The following CTRB1 variants were observed in gnomAD, a reference collection of about 807,000 sequenced individuals.
The protein encoded by CTRB1 is chymotrypsinogen B1, also known as chymotrypsinogen B.
CTRB1 carries 15 observed loss-of-function variants against 20.4 expected under a neutral mutation model. That is an observed-to-expected ratio of 0.74 (90% CI 0.49 to 1.13). The LOEUF (loss-of-function observed/expected upper bound fraction) is 1.13, where lower values mean the gene tolerates loss of function less well. CTRB1 is among the 50% of genes most tolerant of loss of function. The pLI, the probability that CTRB1 is intolerant of heterozygous loss-of-function variation, is 0.00. For synonymous variants in CTRB1, 92 were observed against 128.4 expected (o/e 0.72, Z 1.92); for missense variants, 227 against 290.1 (o/e 0.78, Z 1.58).
In CTRB1 at chr16:75,224,164, G is replaced by C; in HGVS notation, c.606G>C (p.Gly202=). 1 of 1,490,864 alleles carries C rather than the reference G, an allele frequency of 6.7e-7. No individual in the cohort carries two copies. The highest frequency in any genetic ancestry group is 1.2e-5 in the South Asian group (1 of 80,642). The allele number at this position is 1,490,864 out of a possible 1,614,324, so 92.4% of individuals were successfully genotyped here. Residue 202 remains glycine (G), a synonymous_variant, in exon 6 of 7, where the codon GGG becomes GGC. Transcript: ENST00000361017. ...TCACCGACGTGATGATCTGTGCCGG[G>C]GCCAGTGGCGTCTCCTCCTGCATGG... The part of the protein sequence containing the change: ...RRITDVMICA[G]ASGVSSCMGD...
Position 75,222,753 on chromosome 16 carries a change from C to T in CTRB1, c.53-15C>T, listed in dbSNP as rs2076703588. 6.4e-7 allele frequency: 1 copy of T among 1,554,280 alleles called. No individual in the cohort carries two copies. The highest frequency in any genetic ancestry group is 1.4e-5 in the African/African-American group (1 of 73,374). On this transcript the variant is annotated splice_polypyrimidine_tract_variant and intron_variant, in intron 1 of 6. Transcript: ENST00000361017. ...GTTTGGGGCCTCAGCCCTTATTCAC[C>T]CCACTCCCCCCCAGGCTGCGGGGTC...
chr16:75,224,369 A>G (rs2076717197), intron 6 of CTRB1, among the ~76,000 whole-genome samples, 181 bp downstream of exon 6: 1 of 152,180 alleles, frequency 6.6e-6, no homozygotes, highest in Non-Finnish European at 1.5e-5. Context: ...GCAGTGCACA[A>G]TCTGGACCGT....
Position 75,223,504 on chromosome 16 carries a change from GA to G in CTRB1, c.374del (p.Lys125SerfsTer73), listed in dbSNP as rs1293393971. 2 of 747,830 alleles carry G rather than the reference GA, an allele frequency of 2.7e-6. No homozygotes were observed. The highest frequency in any genetic ancestry group is 4.2e-6 in the Non-Finnish European group (2 of 478,698). 46.3% of individuals were successfully genotyped at this position (747,830 alleles called of 1,614,324 possible). A position where few individuals can be genotyped will look rare whatever the true frequency, so the allele number is the denominator to read the frequency against. Reference protein sequence around the residue: ...LTVNNDITLLKLATPARFSQT... With the variant: ...LTVNNDITLLXLATPARFSQT... ...CCGTGAACAATGACATCACCCTGCT[GA>G]AGCTGGCCACACCTGCCCGCTTCTC... On this transcript the variant is annotated frameshift_variant, in exon 5 of 7. Coordinates refer to ENST00000361017, the MANE Select transcript of CTRB1 (RefSeq NM_001906.6). LOFTEE classifies it high-confidence loss of function.
intron 1 of CTRB1, among the ~76,000 whole-genome samples, chr16:75,219,714 A>G (rs894171226): frequency 2.0e-5 from 3 of 152,218 alleles, no homozygotes; most frequent in Admixed American, 1.3e-4. Context: ...GAGAAATAGT[A>G]AAAGAAAATA....
In CTRB1 at chr16:75,222,788, C is replaced by T. The variant is rs369201413; in HGVS notation, c.73C>T (p.His25Tyr). 3 of 1,555,640 alleles carry T rather than the reference C, an allele frequency of 1.9e-6. No homozygotes were observed. The highest frequency in any genetic ancestry group is 1.4e-5 in the African/African-American group (1 of 73,552). The change falls in exon 2 of 7, where the codon CAC (histidine) becomes TAC (tyrosine). Residue 25 changes from histidine to tyrosine, a missense_variant. By Grantham distance (83) the His-to-Tyr change is moderately conservative. Around this residue, in one of 4 missense-constraint regions of CTRB1, gnomAD observed 71 missense variants for 69.1 expected, o/e 1.03. Coordinates refer to ENST00000361017, the MANE Select transcript of CTRB1 (RefSeq NM_001906.6). ...CCCAGGCTGCGGGGTCCCCGCCATC[C>T]ACCCTGTGCTCAGCGGCCTGTCCAG... Reference protein sequence around the residue: ...AAFGCGVPAIHPVLSGLSRIV... With the variant: ...AAFGCGVPAIYPVLSGLSRIV...
At chr16:75,219,299 T>G (rs1453950936) in intron 1 of CTRB1, among the ~76,000 whole-genome samples, 2 of 152,060 alleles carry the variant, frequency 1.3e-5, no homozygotes, top group African/African-American at 2.4e-5. Context: ...GGGGGTGCCT[T>G]GTGCAGGGTA....
At chr16:75,220,073 T>C (rs1392614662) in intron 1 of CTRB1, among the ~76,000 whole-genome samples, 1 of 151,984 alleles carries the variant, frequency 6.6e-6, no homozygotes, top group Non-Finnish European at 1.5e-5. Context: ...AGCCTCAAAC[T>C]CAAGGGCTCG....
intron 1 of CTRB1, 129 bp downstream of exon 1, chr16:75,219,188 G>A: frequency 1.1e-6 from 1 of 920,566 alleles, no homozygotes; most frequent in Non-Finnish European, 1.6e-6. Flanking sequence ...CTCAGGAGAG[G>A]GTGCATTCTG....
At position 75,219,004 on chromosome 16, in the gene CTRB1, C is replaced by T. The variant is rs112981559; in HGVS notation, c.-4C>T. The T allele has an allele frequency of 1.3e-4, 199 of 1,584,026 alleles. No homozygotes were observed. The highest frequency in any genetic ancestry group is 2.4e-4 in the African/African-American group (18 of 74,646). ...GCAGGCCCCACACCTTCTGAGGCAG[C>T]GGCATGGCTTCCCTCTGGCTCCTCT... On this transcript the variant is annotated 5_prime_UTR_variant, in exon 1 of 7. Transcript: ENST00000361017.
chr16:75,220,844 C>G (rs534399759), intron 1 of CTRB1, among the ~76,000 whole-genome samples: 4 of 151,864 alleles, frequency 2.6e-5, no homozygotes, highest in South Asian at 2.1e-4. Flanking sequence ...CTGCAACCTC[C>G]ACCTCCCAGG....
rs1353436475 is a variant in CTRB1, at chr16:75,224,805, G to T, written c.731G>T (p.Gly244Val). Residue 244 changes from glycine (G) to valine (V), a missense_variant, in exon 7 of 7, where the codon GGC becomes GTC. By Grantham distance (109) the Gly-to-Val change is moderately radical (BLOSUM62 -3). Transcript: ENST00000361017. ...GSDTCSTSSPGVYARVTKLIP... is the reference protein window; with the variant it reads ...GSDTCSTSSPVVYARVTKLIP... ...GACACCTGCTCCACCTCCAGCCCTG[G>T]CGTGTACGCCCGTGTCACCAAGCTC... 1 of 1,614,036 alleles carries T rather than the reference G, an allele frequency of 6.2e-7. No individual in the cohort carries two copies. The highest frequency in any genetic ancestry group is 1.1e-5 in the South Asian group (1 of 91,088).
intron 1 of CTRB1, 78 bp from the exon 2 acceptor site, chr16:75,222,690 C>A: frequency 6.8e-7 from 1 of 1,460,210 alleles, no homozygotes; most frequent in Non-Finnish European, 9.2e-7. Flanking sequence ...TGGGGTAGAA[C>A]CGGGAGAGCT....
In CTRB1 at chr16:75,224,755, G is replaced by C. The variant is rs143327059; in HGVS notation, c.681G>C (p.Leu227=). 944 of 1,613,678 alleles carry C rather than the reference G, an allele frequency of 5.8e-4. 7 individuals carry two copies. In the Middle Eastern group the frequency reaches 0.017, roughly 28 times the overall value. The change falls in exon 7 of 7, where the codon CTG becomes CTC. Residue 227 remains leucine, a synonymous_variant. Coordinates refer to ENST00000361017, the MANE Select transcript of CTRB1 (RefSeq NM_001906.6). ...GCCAAAAGGATGGAGCCTGGACCCT[G>C]GTGGGCATTGTGTCCTGGGGCAGCG... ...LVCQKDGAWT[L]VGIVSWGSDT...
chr16:75,219,122 C>A (rs897178263), intron 1 of CTRB1, 63 bp downstream of exon 1: 8 of 1,507,126 alleles, frequency 5.3e-6, no homozygotes, highest in Non-Finnish European at 7.2e-6. Context: ...AGAGGGGGAT[C>A]TGAGTCCCCT....
intron 1 of CTRB1, among the ~76,000 whole-genome samples, chr16:75,221,576 T>G (rs1208510264): frequency 6.6e-6 from 1 of 151,956 alleles, no homozygotes; most frequent in East Asian, 2.0e-4. Flanking sequence ...GCCAGGCTGG[T>G]CTTAAATTCC....
chr16:75,220,964 G>T (rs8048784), intron 1 of CTRB1, among the ~76,000 whole-genome samples: 108,862 of 151,902 alleles, frequency 0.72, 39,348 homozygotes, highest in East Asian at 0.97. Flanking sequence ...CATCATATTG[G>T]CCAGGCTGGT....
chr16:75,222,705 G>A lies in CTRB1; in HGVS notation c.53-63G>A, dbSNP rs148171043. 8.5e-4 allele frequency: 1,272 copies of A among 1,499,250 alleles called. 29 individuals carry two copies. The Admixed American group carries it at 0.022, about 26-fold the overall frequency. The allele number at this position is 1,499,250 out of a possible 1,614,324, so 92.9% of individuals were successfully genotyped here. Reference sequence around the variant, plus strand: ...TGGGGTAGAACCGGGAGAGCTGCACGCAGGCAGGTGAGGCCCAGGTGGGTT... The same window carrying A: ...TGGGGTAGAACCGGGAGAGCTGCACACAGGCAGGTGAGGCCCAGGTGGGTT... On this transcript the variant is annotated intron_variant, in intron 1 of 6. Coordinates refer to ENST00000361017, the MANE Select transcript of CTRB1 (RefSeq NM_001906.6).
chr16:75,219,386 C>T lies in CTRB1; in HGVS notation c.52+327C>T, dbSNP rs909918021. On this transcript the variant is annotated intron_variant, in intron 1 of 6. Coordinates refer to ENST00000361017, the MANE Select transcript of CTRB1 (RefSeq NM_001906.6). ...CTGGGTACTTGTCAAGCATTTTCTT[C>T]CTTTCTTTCTTTTTTTTTTTTCGAG... is the stretch of plus-strand genomic sequence containing the variant. 2.6e-5 allele frequency among the ~76,000 whole-genome samples: 4 copies of T among 151,882 alleles called. No individual in the cohort carries two copies. The South Asian group carries it at 8.3e-4, about 32-fold the overall frequency.
In CTRB1 at chr16:75,219,053, G is replaced by T; in HGVS notation, c.46G>T (p.Ala16Ser). Residue 16 changes from alanine (A) to serine (S), a missense_variant, in exon 1 of 7, where the codon GCC becomes TCC. Physicochemically the swap from Ala to Ser is moderately conservative, Grantham distance 99. Coordinates refer to ENST00000361017, the MANE Select transcript of CTRB1 (RefSeq NM_001906.6). ...LLSCFSLVGAAFGCGVPAIHP... is the reference protein window; with the variant it reads ...LLSCFSLVGASFGCGVPAIHP... ...CTCCTGCTTCTCCCTTGTGGGGGCC[G>T]CCTTTGGTGAGTGCTGGTGCCCGAG... The T allele has an allele frequency of 1.3e-6, 2 of 1,589,928 alleles. No individual in the cohort carries two copies. The highest frequency in any genetic ancestry group is 1.7e-6 in the Non-Finnish European group (2 of 1,169,532).
Sources: allele counts gnomAD v4.1 joint callset (sites outside exome capture counted in the v4.1 genomes callset), GRCh38; gene constraint gnomAD v4.1.1; regional missense constraint gnomAD v4.1.1; transcripts MANE v1.5; gene names NCBI Gene and HGNC (gene_info 2026-07-23, HGNC 2026-07-21).